Variants in MTMR8 observed in about 807,000 individuals in gnomAD.
The protein encoded by MTMR8 is phosphatidylinositol-3,5-bisphosphate 3-phosphatase MTMR8.
MTMR8 carries 65 observed loss-of-function variants against 39.3 expected under a neutral mutation model. The ratio of observed to expected loss-of-function variants is 1.65; its 90% CI spans 1.35 to 2.03. The LOEUF (loss-of-function observed/expected upper bound fraction) is 2.03, where lower values mean the gene tolerates loss of function less well. Among genes scored for constraint, MTMR8 ranks in the 30% most tolerant of loss-of-function variants. The pLI is 0.00. For synonymous variants in MTMR8, 245 were observed against 185.2 expected, an observed-to-expected ratio of 1.32 and a Z score of -2.62; for missense variants, 777 against 538.9, an observed-to-expected ratio of 1.44 and a Z score of -4.37.
intron 8 of MTMR8, 58 bp from the exon 9 acceptor site, chrX:64,337,451 T>TGCC: frequency 8.6e-7 from 1 of 1,161,997 alleles, no homozygotes; most frequent in South Asian, 1.9e-5. Flanking sequence ...CTTGTTGGAT[T>TGCC]AAAGAGTTGC....
At chrX:64,376,642 T>A (rs1277202718) in intron 1 of MTMR8, among the ~76,000 whole-genome samples, 1 of 112,385 alleles carries the variant, frequency 8.9e-6, no homozygotes, top group East Asian at 2.8e-4. Context: ...AAACTCTAAC[T>A]TATATTTAAA....
intron 4 of MTMR8, among the ~76,000 whole-genome samples, 166 bp downstream of exon 4, chrX:64,354,611 C>T (rs1202964506): frequency 9.0e-6 from 1 of 111,620 alleles, no homozygotes; most frequent in Non-Finnish European, 1.9e-5. Context: ...TACTCAGTGC[C>T]TATTGCACTG....
At chrX:64,306,982 C>A (rs908120828) in intron 12 of MTMR8, among the ~76,000 whole-genome samples, 1 of 112,085 alleles carries the variant, frequency 8.9e-6, no homozygotes, top group Non-Finnish European at 1.9e-5. Context: ...ATGGCAGCAA[C>A]GGTGGCGGAA....
chrX:64,345,889 G>T (rs1923337877), intron 6 of MTMR8, among the ~76,000 whole-genome samples: 2 of 112,385 alleles, frequency 1.8e-5, no homozygotes, highest in Non-Finnish European at 3.8e-5. Context: ...AAAGTGCTGG[G>T]ATTACAGGCA....
Position 64,356,241 on chromosome X carries a change from A to C in MTMR8, c.245T>G (p.Phe82Cys), listed in dbSNP as rs1051856852. The C allele has an allele frequency of 1.2e-5, 14 of 1,207,589 alleles. No homozygotes were observed. The highest frequency in any genetic ancestry group is 1.6e-5 in the Non-Finnish European group (14 of 894,046). Residue 82 changes from phenylalanine (F) to cysteine (C), a missense_variant, in exon 3 of 14, where the codon TTT becomes TGT. Phe to Cys is a radical substitution (Grantham distance 205). Transcript: ENST00000374852. The part of the protein sequence containing the change: ...LRCKNFRVAH[F>C]VLDSDLVCHE... Reference sequence around the variant, plus strand: ...GCACACAAGGTCAGAATCTAAAACAAAGTGGGCCACCCGGAAATTCTTGCA... The same window carrying C: ...GCACACAAGGTCAGAATCTAAAACACAGTGGGCCACCCGGAAATTCTTGCA...
chrX:64,392,029 A>C (rs1199286038), intron 1 of MTMR8, among the ~76,000 whole-genome samples: 1 of 111,898 alleles, frequency 8.9e-6, no homozygotes, highest in Non-Finnish European at 1.9e-5. Flanking sequence ...GGTAGGGAAA[A>C]ATACATAGAA....
chrX:64,287,038 T>C (rs1349645997), intron 12 of MTMR8, among the ~76,000 whole-genome samples: 4 of 111,730 alleles, frequency 3.6e-5, no homozygotes, highest in Non-Finnish European at 7.5e-5. Flanking sequence ...TGTTTGCAGA[T>C]GACATGATTG....
At chrX:64,341,234 T>C (rs948597713) in intron 8 of MTMR8, among the ~76,000 whole-genome samples, 2 of 111,784 alleles carry the variant, frequency 1.8e-5, no homozygotes, top group Non-Finnish European at 3.8e-5. Context: ...ATCCCAGCAC[T>C]TTGGGAGGCC....
intron 12 of MTMR8, among the ~76,000 whole-genome samples, chrX:64,286,493 G>C (rs747521404): frequency 1.8e-5 from 2 of 111,614 alleles, no homozygotes; most frequent in Non-Finnish European, 3.8e-5. Context: ...ATCAAAGCCT[G>C]GCAGAGACAC....
In MTMR8 at chrX:64,323,105, C is replaced by T. The variant is rs1236636478; in HGVS notation, c.1481+5667G>A. The stretch of plus-strand genomic sequence containing the variant: ...GCATACCAGCCAGACATGTTGCTTC[C>T]ATGGAGCCCTGCCCCAAACTGGCAG... On this transcript the variant is annotated intron_variant, in intron 12 of 13. Transcript: ENST00000374852. 4.5e-5 allele frequency among the ~76,000 whole-genome samples: 5 copies of T among 112,176 alleles called. No individual in the cohort carries two copies. The East Asian group carries it at 1.4e-3, about 32-fold the overall frequency.
At chrX:64,270,482 T>TA (rs1173128333) in intron 13 of MTMR8, among the ~76,000 whole-genome samples, 2 of 112,300 alleles carry the variant, frequency 1.8e-5, no homozygotes, top group African/African-American at 3.2e-5. Context: ...AACCTGTAAT[T>TA]AAAAAACAAG....
At chrX:64,364,437 C>A (rs185260059) in intron 1 of MTMR8, among the ~76,000 whole-genome samples, 1 of 112,008 alleles carries the variant, frequency 8.9e-6, no homozygotes, top group Non-Finnish European at 1.9e-5. Flanking sequence ...ATTTGCTGTT[C>A]TGCAGCCTCC....
chrX:64,361,338 T>G (rs183596527), intron 1 of MTMR8, among the ~76,000 whole-genome samples: 6 of 111,517 alleles, frequency 5.4e-5, no homozygotes, highest in Middle Eastern at 4.6e-3. Context: ...CTCAGTCCAT[T>G]TTATGAGGGC....
In MTMR8 at chrX:64,391,074, C is replaced by G. The variant is rs949303971; in HGVS notation, c.24+4266G>C. On this transcript the variant is annotated intron_variant, in intron 1 of 13. Coordinates refer to ENST00000374852, the MANE Select transcript of MTMR8 (RefSeq NM_017677.4). ...ATCATTCCAAAAAGAAACTTCATCC[C>G]CATTCCTCATTTAGATAATCTTTTA... Among the ~76,000 whole-genome samples the G allele has an allele frequency of 1.2e-3, 134 of 112,239 alleles. 2 individuals are homozygous for G. The highest frequency in any genetic ancestry group is 4.1e-3 in the African/African-American group (128 of 30,920).
intron 12 of MTMR8, among the ~76,000 whole-genome samples, chrX:64,297,757 T>A (rs1921672286): frequency 9.0e-6 from 1 of 110,697 alleles, no homozygotes; most frequent in Non-Finnish European, 1.9e-5. Context: ...TTGATTTTTG[T>A]ATAAGGTGTA....
intron 1 of MTMR8, among the ~76,000 whole-genome samples, chrX:64,380,211 C>A (rs999006129): frequency 8.9e-6 from 1 of 112,596 alleles, no homozygotes. Flanking sequence ...TCTGACTTCA[C>A]TTTGTAAACC....
rs772945174 is a variant in MTMR8, at chrX:64,350,023, G to C, written c.516C>G (p.Thr172=). Reference sequence around the variant, plus strand: ...TTGAACTTCCAACCACCGTTCCCAAGGTAACAGATTTAGGAACCACTATTT... The same window carrying C: ...TTGAACTTCCAACCACCGTTCCCAACGTAACAGATTTAGGAACCACTATTT... ...PPEIVVPKSV[T]LGTVVGSSKF... The change falls in exon 5 of 14, where the codon ACC becomes ACG. Residue 172 remains threonine, a synonymous_variant. Coordinates refer to ENST00000374852, the MANE Select transcript of MTMR8 (RefSeq NM_017677.4). 6 of 1,188,783 alleles carry C rather than the reference G, an allele frequency of 5.0e-6. No homozygotes were observed. In the African/African-American group the frequency reaches 5.3e-5, roughly 11 times the overall value.
rs1922629933 is a variant in MTMR8 at position 64,321,060 on chromosome X, C to A, written c.1481+7712G>T. Among the ~76,000 whole-genome samples the A allele has an allele frequency of 2.7e-5, 3 of 111,537 alleles. No homozygotes were observed. In the South Asian group the frequency reaches 1.1e-3, roughly 41 times the overall value. On this transcript the variant is annotated intron_variant, in intron 12 of 13. Transcript: ENST00000374852. ...CTAAACTAACAATTACAACCCACAA[C>A]AAGTAGCAACAAAAAATCCTAGAGA... is the stretch of plus-strand genomic sequence containing the variant.
In MTMR8 at chrX:64,271,046, A is replaced by G; in HGVS notation, c.1509T>C (p.Phe503=). The part of the protein sequence containing the change: ...IQFWCGMYNR[F]DKGLQPKQSM... The stretch of plus-strand genomic sequence containing the variant: ...TCTGCTTGGGCTGCAGCCCTTTGTC[A>G]AAGCGGTTATACATCCCACACCAGA... The change falls in exon 13 of 14, where the codon TTT becomes TTC. Residue 503 remains phenylalanine (F), a synonymous_variant. Coordinates refer to ENST00000374852, the MANE Select transcript of MTMR8 (RefSeq NM_017677.4). 8.3e-7 allele frequency: 1 copy of G among 1,207,287 alleles called. No individual in the cohort carries two copies. The highest frequency in any genetic ancestry group is 1.1e-6 in the Non-Finnish European group (1 of 893,754).
Sources: gnomAD v4.1 joint callset for allele counts (sites outside exome capture counted in the v4.1 genomes callset) on GRCh38, gnomAD v4.1.1 for gene constraint, MANE v1.5 for transcripts, NCBI Gene and HGNC (gene_info 2026-07-23, HGNC 2026-07-21) for gene names.